NPIPB11: variants seen among roughly 807,000 people sequenced by gnomAD.
NPIPB11 encodes the protein nuclear pore complex-interacting protein family member B11.
In NPIPB11, 17 loss-of-function variants were observed where a neutral mutation model predicts 32.8. The observed-to-expected ratio is 0.52, with a 90% CI of 0.35 to 0.78. The LOEUF (loss-of-function observed/expected upper bound fraction) is 0.78. Ranked by LOEUF, NPIPB11 falls within the 30% of genes least tolerant of loss-of-function variation. The pLI, the probability that NPIPB11 is intolerant of heterozygous loss-of-function variation, is 0.01. For missense variants in NPIPB11, 537 were observed against 1,000.4 expected (o/e 0.54, Z 6.25); for synonymous variants, 209 against 398.4 (o/e 0.52, Z 5.66).
At chr16:29,406,196 A>T (rs1964109042), upstream of NPIPB11, among the ~76,000 whole-genome samples, 1 of 152,244 alleles carries the variant, frequency 6.6e-6, no homozygotes, top group Admixed American at 6.5e-5. Context: ...AGAGGTATTA[A>T]GTGATTCGAT....
chr16:29,389,913 A>G (rs545868735), intron 5 of NPIPB11, 28 bp downstream of exon 5: 104 of 1,584,286 alleles, frequency 6.6e-5, no homozygotes, highest in Non-Finnish European at 8.3e-5. Flanking sequence ...GGTTCCTACA[A>G]CAGTATTTGT....
upstream of NPIPB11, chr16:29,404,106 ATG>A (rs1374574599): frequency 1.6e-3 from 444 of 279,356 alleles, 7 homozygotes; most frequent in African/African-American, 0.02. Flanking sequence ...AGTCATTTAA[ATG>A]TATCATCATT....
At chr16:29,391,808 C>T (rs569560820) in intron 3 of NPIPB11, among the ~76,000 whole-genome samples, 3 of 152,066 alleles carry the variant, frequency 2.0e-5, no homozygotes, top group African/African-American at 7.2e-5. Context: ...GCAGCCTCCA[C>T]CTCCCAGATT....
chr16:29,395,510 T>C (rs1409577753), intron 2 of NPIPB11, among the ~76,000 whole-genome samples: 1 of 107,258 alleles, frequency 9.3e-6, no homozygotes, highest in Non-Finnish European at 1.8e-5. Flanking sequence ...AATTGATGTA[T>C]AACATTGGAT....
chr16:29,389,776 A>C (rs543601835), intron 5 of NPIPB11, among the ~76,000 whole-genome samples, 165 bp downstream of exon 5: 1 of 151,756 alleles, frequency 6.6e-6, no homozygotes, highest in Non-Finnish European at 1.5e-5. Flanking sequence ...AGGAAGGGAA[A>C]GGAATTATAC....
At chr16:29,397,583 G>C (rs1439994937) in intron 2 of NPIPB11, 3 of 1,519,610 alleles carry the variant, frequency 2.0e-6, no homozygotes, top group Non-Finnish European at 8.9e-7. Flanking sequence ...TGCACTGATG[G>C]CTGATAAATT....
exon 3 of NPIPB11, chr16:29,394,014 T>G (rs781652949): frequency 1.1e-5 from 18 of 1,599,520 alleles, no homozygotes; most frequent in Non-Finnish European, 1.4e-5. Context: ...TAATAATATG[T>G]AACCAAGGAC....
chr16:29,402,724 C>CTCTCTGTGTGTGTGTGTG (rs1449821025), intron 2 of NPIPB11, among the ~76,000 whole-genome samples: 1 of 119,674 alleles, frequency 8.4e-6, no homozygotes, highest in East Asian at 2.9e-4. Flanking sequence ...CTCTCTCTCT[C>CTCTCTGTGTGTGTGTGTG]TGTGTGTGTG....
chr16:29,397,623 A>C (rs1963890818), intron 2 of NPIPB11: 5 of 1,467,100 alleles, frequency 3.4e-6, no homozygotes, highest in Non-Finnish European at 4.6e-6. Flanking sequence ...GAGCCAAAAG[A>C]GCATCCACCG....
intron 3 of NPIPB11, among the ~76,000 whole-genome samples, chr16:29,391,974 G>C (rs534690222): frequency 2.0e-5 from 3 of 152,000 alleles, no homozygotes; most frequent in African/African-American, 7.3e-5. Context: ...ACCTGCCTCA[G>C]CCTCCCAAAG....
At chr16:29,390,891 A>T (rs1015706311) in intron 3 of NPIPB11, among the ~76,000 whole-genome samples, 10 of 149,748 alleles carry the variant, frequency 6.7e-5, no homozygotes, top group African/African-American at 1.7e-4. Flanking sequence ...TGAACCCAGC[A>T]GGAAAAGGTT....
intron 2 of NPIPB11, among the ~76,000 whole-genome samples, chr16:29,402,209 C>G (rs1312911927): frequency 7.5e-6 from 1 of 132,738 alleles, no homozygotes; most frequent in Non-Finnish European, 1.5e-5. Flanking sequence ...GCCTGGCACA[C>G]ACAGTGAGTA....
intron 2 of NPIPB11, among the ~76,000 whole-genome samples, chr16:29,398,518 T>TA (rs1963915558): frequency 6.7e-6 from 1 of 149,924 alleles, no homozygotes; most frequent in Non-Finnish European, 1.5e-5. Flanking sequence ...CAAATGTAGA[T>TA]ACATTCATTT....
At position 29,399,761 on chromosome 16, in the gene NPIPB11, A is replaced by T. The variant is rs3953188; in HGVS notation, c.120+3922T>A. ...TAACAAAACTATGGAATTCAATTCT[A>T]TTTATATGCTGCAGCCATGTTCCAG... On this transcript the variant is annotated intron_variant, in intron 2 of 7. Coordinates refer to ENST00000524087, the Ensembl canonical transcript of NPIPB11. 2.6e-5 allele frequency among the ~76,000 whole-genome samples: 4 copies of T among 151,540 alleles called. No individual in the cohort carries two copies. In the East Asian group the frequency reaches 5.9e-4, roughly 22 times the overall value.
chr16:29,402,982 CAT>C, intron 2 of NPIPB11, among the ~76,000 whole-genome samples: 1 of 149,568 alleles, frequency 6.7e-6, no homozygotes, highest in African/African-American at 2.5e-5. Context: ...AATTATAGAA[CAT>C]ATATATGTAC....
chr16:29,399,682 A>G (rs1443176553), intron 2 of NPIPB11, among the ~76,000 whole-genome samples: 3 of 152,058 alleles, frequency 2.0e-5, no homozygotes, highest in African/African-American at 4.8e-5. Context: ...TAGGAGACAG[A>G]GCGAGACTCT....
At chr16:29,390,885 C>A (rs1239904181) in intron 3 of NPIPB11, among the ~76,000 whole-genome samples, 1 of 149,326 alleles carries the variant, frequency 6.7e-6, no homozygotes, top group East Asian at 2.0e-4. Flanking sequence ...ATCACTTGAA[C>A]CCAGCAGGAA....
At chr16:29,393,487 T>C (rs1963771673) in intron 3 of NPIPB11, among the ~76,000 whole-genome samples, 1 of 152,138 alleles carries the variant, frequency 6.6e-6, no homozygotes, top group Non-Finnish European at 1.5e-5. Flanking sequence ...TCTAGCAGTC[T>C]CATTTTTCAG....
Position 29,390,354 on chromosome 16 carries a change from A to T in NPIPB11, c.250-6T>A. 1 of 1,122,574 alleles carries T rather than the reference A, an allele frequency of 8.9e-7. No homozygotes were observed. Among genetic ancestry groups the T allele is most frequent in the East Asian group, 2.4e-5 (1 of 42,358 alleles). 69.5% of individuals were successfully genotyped at this position (1,122,574 alleles called of 1,614,324 possible). ...ATAGTCTTCAGGAGAGACACCTAGG[A>T]AATAATAATATAAGAATGACGGCTG... On this transcript the variant is annotated splice_polypyrimidine_tract_variant and splice_region_variant and intron_variant, in intron 3 of 7. Transcript: ENST00000524087.
Sources: allele counts gnomAD v4.1 joint callset (sites outside exome capture counted in the v4.1 genomes callset), GRCh38; gene constraint gnomAD v4.1.1; transcripts MANE v1.5; gene names NCBI Gene and HGNC (gene_info 2026-07-23, HGNC 2026-07-21).